LTF: variants seen among roughly 807,000 people sequenced by gnomAD.
LTF encodes epididymis luminal protein 110.
In LTF, 91 loss-of-function variants were observed where a neutral mutation model predicts 87.2. That is an observed-to-expected ratio of 1.04 (90% confidence interval 0.88 to 1.24). The LOEUF (loss-of-function observed/expected upper bound fraction) is 1.24. LTF is among the 50% of genes most tolerant of loss of function. The pLI is 0.00. For missense variants in LTF, 901 were observed against 904.3 expected (o/e 1.00, Z 0.05); for synonymous variants, 378 against 356.1 (o/e 1.06, Z -0.69).
Position 46,443,446 on chromosome 3 carries a change from A to G in LTF, c.1650T>C (p.Ala550=). The G allele has an allele frequency of 1.2e-6, 2 of 1,614,168 alleles. No homozygotes were observed. Among genetic ancestry groups the G allele is most frequent in the South Asian group, 2.2e-5 (2 of 91,086 alleles). ...GAGCTCAGTCACAGACTCACCGGAAAGCCCCAGTGTAGCCGTAGTATCTCT... is the reference window on the plus strand; with the variant it reads ...GAGCTCAGTCACAGACTCACCGGAAGGCCCCAGTGTAGCCGTAGTATCTCT... ...SNERYYGYTG[A]FRCLAENAGD... The change falls in exon 13 of 17, where the codon GCT becomes GCC. Residue 550 remains alanine, a synonymous_variant. Coordinates refer to ENST00000231751, the MANE Select transcript of LTF (RefSeq NM_002343.6).
rs1316519853 is a variant in LTF at position 46,482,624 on chromosome 3, GAAA to G, written c.-320+2359_-320+2361del. 3.0e-3 allele frequency among the ~76,000 whole-genome samples: 181 copies of G among 59,808 alleles called. 9 individuals are homozygous for G. The highest frequency in any genetic ancestry group is 0.011 in the African/African-American group (172 of 15,800). The allele number at this position is 59,808 out of a possible 152,430, so 39.2% of individuals were successfully genotyped here. A position where few individuals can be genotyped will look rare whatever the true frequency, so the allele number is the denominator to read the frequency against. Reference sequence around the variant, plus strand: ...AAGAAAGAAAGAAGAAAGAAAGAAAGAAAGAAAGAAAGAAAGAAAGAAAGAAAG... The same window carrying G: ...AAGAAAGAAAGAAGAAAGAAAGAAAGGAAAGAAAGAAAGAAAGAAAGAAAG... On this transcript the variant is annotated intron_variant, in intron 1 of 19. Transcript: ENST00000443496.
intron 16 of LTF, among the ~76,000 whole-genome samples, chr3:46,436,782 A>G (rs1342912076): frequency 2.0e-5 from 3 of 152,118 alleles, no homozygotes; most frequent in African/African-American, 4.8e-5. Context: ...CATCACAGTG[A>G]CCTGAGTTGT....
At position 46,455,333 on chromosome 3, in the gene LTF, G is replaced by A. The variant is rs1371387761; in HGVS notation, c.609C>T (p.Ser203=). 1 of 1,614,266 alleles carries A rather than the reference G, an allele frequency of 6.2e-7. No homozygotes were observed. Among genetic ancestry groups the A allele is most frequent in the Non-Finnish European group, 8.5e-7 (1 of 1,180,048 alleles). ...AGTAGCTGAAGTACGGTTCCTGGGA[G>A]GAGAAGGCACATTTGTTTTCCCCTG... The part of the protein sequence containing the change: ...AGTGENKCAF[S]SQEPYFSYSG... Residue 203 remains serine (S), a synonymous_variant, in exon 5 of 17, where the codon TCC becomes TCT. Coordinates refer to ENST00000231751, the MANE Select transcript of LTF (RefSeq NM_002343.6).
intron 4 of LTF, 140 bp downstream of exon 4, chr3:46,455,656 G>A (rs1278147871): frequency 1.3e-5 from 15 of 1,131,764 alleles, no homozygotes; most frequent in Non-Finnish European, 1.9e-5. Context: ...GATCCTGCCA[G>A]CAGGATGTTA....
intron 1 of LTF, among the ~76,000 whole-genome samples, chr3:46,473,937 G>A (rs1311887238): frequency 2.0e-5 from 3 of 152,162 alleles, no homozygotes; most frequent in African/African-American, 7.2e-5. Context: ...AATACCTACG[G>A]TAACCACTAC....
At chr3:46,466,272 A>T (rs1363687353), upstream of LTF, among the ~76,000 whole-genome samples, 1 of 152,158 alleles carries the variant, frequency 6.6e-6, no homozygotes, top group South Asian at 2.1e-4. Context: ...AACTAAGTGA[A>T]GAAAAAAGGT....
rs763984922 is a variant in LTF, at chr3:46,450,480, C to T, written c.882+15G>A. 8.1e-6 allele frequency: 13 copies of T among 1,598,114 alleles called. No individual in the cohort carries two copies. The highest frequency in any genetic ancestry group is 1.3e-5 in the African/African-American group (1 of 74,684). On this transcript the variant is annotated intron_variant, in intron 7 of 16. Transcript: ENST00000231751. ...CCATATCCAAGCAAGTGGGGAGGAC[C>T]GTGGGTGAAGATACCTGTGCCTGGC...
chr3:46,441,453 T>G lies in LTF; in HGVS notation c.1686A>C (p.Ala562=), dbSNP rs1327613353. ...GCAAGACAGTGACATCTTTCACAAATGCAACGTCTCCAGCATTCTCAGCCA... is the reference window on the plus strand; with the variant it reads ...GCAAGACAGTGACATCTTTCACAAAGGCAACGTCTCCAGCATTCTCAGCCA... ...RCLAENAGDV[A]FVKDVTVLQN... is the part of the protein sequence containing the mutation. The change falls in exon 14 of 17, where the codon GCA becomes GCC. Residue 562 remains alanine (A), a synonymous_variant. Transcript: ENST00000231751. 1 of 1,613,954 alleles carries G rather than the reference T, an allele frequency of 6.2e-7. No individual in the cohort carries two copies. The highest frequency in any genetic ancestry group is 8.5e-7 in the Non-Finnish European group (1 of 1,179,928).
chr3:46,462,867 A>G (rs565065418), intron 1 of LTF, among the ~76,000 whole-genome samples: 2 of 117,770 alleles, frequency 1.7e-5, no homozygotes, highest in Non-Finnish European at 3.5e-5. Flanking sequence ...GGGAGAGAGT[A>G]AAATGGAAGA....
At chr3:46,483,291 C>T (rs1335743890) in intron 1 of LTF, among the ~76,000 whole-genome samples, 2 of 152,264 alleles carry the variant, frequency 1.3e-5, no homozygotes, top group Non-Finnish European at 2.9e-5. Context: ...AGCCTCTCCT[C>T]TCCTAGGTGT....
Position 46,455,276 on chromosome 3 carries a change from AGG to A in LTF, c.647+17_647+18del. On this transcript the variant is annotated intron_variant, in intron 5 of 16. Transcript: ENST00000231751. ...AAGGGACACTTGGCCACTGACGAGA[AGG>A]GGACAGGGTCACTCACTTGAAGGCA... 6.2e-7 allele frequency: 1 copy of A among 1,614,028 alleles called. No individual in the cohort carries two copies. Among genetic ancestry groups the A allele is most frequent in the African/African-American group, 1.3e-5 (1 of 75,050 alleles).
Position 46,437,946 on chromosome 3 carries a change from T to C in LTF, c.2092A>G (p.Thr698Ala). 6.2e-6 allele frequency: 10 copies of C among 1,613,638 alleles called. No homozygotes were observed. The highest frequency in any genetic ancestry group is 8.5e-6 in the Non-Finnish European group (10 of 1,179,854). Residue 698 changes from threonine (T) to alanine (A), a missense_variant, in exon 16 of 17, where the codon ACC (threonine) becomes GCC (alanine). Physicochemically the swap from Thr to Ala is moderately conservative, Grantham distance 58 (BLOSUM62 0). Transcript: ENST00000231751. ...AGITNLKKCS[T>A]SPLLEACEFL... ...CTAGCTAGGGTCTACTTACGGGAGG[T>C]TGAGCACTTTTTCAGATTAGTAATG... is the stretch of plus-strand genomic sequence containing the variant.
intron 7 of LTF, 94 bp from the exon 8 acceptor site, chr3:46,450,122 A>G (rs1256009804): frequency 2.8e-6 from 3 of 1,062,514 alleles, no homozygotes; most frequent in Non-Finnish European, 4.1e-6. Flanking sequence ...CTTTGGGATC[A>G]TTCTAACTGA....
rs1702459237 is a variant in LTF at position 46,439,331 on chromosome 3, C to T, written c.1873G>A (p.Val625Met). The change falls in exon 15 of 17, where the codon GTG becomes ATG. Residue 625 changes from valine (V) to methionine (M), a missense_variant. By Grantham distance (21) the Val-to-Met change is conservative (BLOSUM62 1). Coordinates refer to ENST00000231751, the MANE Select transcript of LTF (RefSeq NM_002343.6). Reference sequence around the variant, plus strand: ...AGCAACACCTGTTTCAGGCGTTCCACCTTATCCATCCGAGACACCACGGCA... The same window carrying T: ...AGCAACACCTGTTTCAGGCGTTCCATCTTATCCATCCGAGACACCACGGCA... ...NHAVVSRMDK[V>M]ERLKQVLLHQ... 4 of 1,614,016 alleles carry T rather than the reference C, an allele frequency of 2.5e-6. No individual in the cohort carries two copies. The highest frequency in any genetic ancestry group is 2.2e-5 in the East Asian group (1 of 44,876).
In LTF at chr3:46,436,054, A is replaced by G. The variant is rs1575300821; in HGVS notation, c.*141T>C. 7.9e-6 allele frequency: 6 copies of G among 754,848 alleles called. No individual in the cohort carries two copies. In the East Asian group the frequency reaches 9.9e-5, roughly 12 times the overall value. 46.8% of individuals were successfully genotyped at this position (754,848 alleles called of 1,614,324 possible). On this transcript the variant is annotated 3_prime_UTR_variant, in exon 17 of 17. Coordinates refer to ENST00000231751, the MANE Select transcript of LTF (RefSeq NM_002343.6). ...TCTCATTTTACTTCTTGCTAAGACG[A>G]CAGCAGGGAATTGTAAGCAGATGGA...
chr3:46,437,346 G>T (rs1702408634), intron 16 of LTF, among the ~76,000 whole-genome samples: 1 of 141,234 alleles, frequency 7.1e-6, no homozygotes. Context: ...TTTGAGGAAG[G>T]GTCTTTCGGT....
chr3:46,448,995 C>T lies in LTF; in HGVS notation c.1080G>A (p.Arg360=). Residue 360 remains arginine, a synonymous_variant, in exon 9 of 17, where the codon CGG becomes CGA. Transcript: ENST00000231751. ...LRKSEEEVAA[R]RARVVWCAVG... Reference sequence around the variant, plus strand: ...CCGCACACCACACGACCCGCGCACGCCGGGCAGCCACTTCCTCCTCACCTG... The same window carrying T: ...CCGCACACCACACGACCCGCGCACGTCGGGCAGCCACTTCCTCCTCACCTG... 1.2e-6 allele frequency: 2 copies of T among 1,610,326 alleles called. No homozygotes were observed. Among genetic ancestry groups the T allele is most frequent in the Non-Finnish European group, 1.7e-6 (2 of 1,178,598 alleles).
intron 2 of LTF, 62 bp from the exon 3 acceptor site, chr3:46,456,460 C>A: frequency 7.4e-7 from 1 of 1,356,328 alleles, no homozygotes; most frequent in Non-Finnish European, 1.1e-6. Context: ...GCAAGTGGGA[C>A]TTCAGGACCT....
intron 1 of LTF, among the ~76,000 whole-genome samples, chr3:46,478,045 C>A (rs145922992): frequency 6.6e-6 from 1 of 152,270 alleles, no homozygotes; most frequent in Non-Finnish European, 1.5e-5. Context: ...CTTTGTGATT[C>A]CTTGGGCCCC....
Sources: allele counts gnomAD v4.1 joint callset (sites outside exome capture counted in the v4.1 genomes callset), GRCh38; gene constraint gnomAD v4.1.1; transcripts MANE v1.5; gene names NCBI Gene and HGNC (gene_info 2026-07-23, HGNC 2026-07-21).